The following NELL1 variants were observed in gnomAD, a reference collection of about 807,000 sequenced individuals.
NELL1 encodes the protein neural EGFL like 1.
In NELL1, 76 loss-of-function variants were observed where a neutral mutation model predicts 107.4. The observed-to-expected ratio is 0.71, with a 90% CI of 0.59 to 0.86. NELL1 has a LOEUF of 0.86. NELL1 is among the 40% of genes least tolerant of loss of function. The pLI is 0.00. For missense variants in NELL1, 1,024 were observed against 1,005.5 expected (o/e 1.02, Z -0.25); for synonymous variants, 353 against 341.2 (o/e 1.03, Z -0.38).
chr11:21,398,301 T>G (rs914751048), intron 15 of NELL1, among the ~76,000 whole-genome samples: 4 of 151,622 alleles, frequency 2.6e-5, no homozygotes, highest in African/African-American at 9.7e-5. Flanking sequence ...CCCCTGAGGC[T>G]CTCTGTATCT....
intron 3 of NELL1, among the ~76,000 whole-genome samples, chr11:20,805,220 G>T (rs1434590813): frequency 6.6e-6 from 1 of 151,918 alleles, no homozygotes; most frequent in African/African-American, 2.4e-5. Context: ...GTTTTTGTTT[G>T]CTTCTGTTTT....
intron 3 of NELL1, among the ~76,000 whole-genome samples, chr11:20,790,633 C>A (rs1460560073): frequency 2.0e-5 from 3 of 152,130 alleles, no homozygotes; most frequent in Non-Finnish European, 4.4e-5. Context: ...TGCAGCTGAG[C>A]CCAGCGAGGT....
intron 3 of NELL1, among the ~76,000 whole-genome samples, chr11:20,793,737 G>A (rs903569376): frequency 2.0e-5 from 3 of 152,036 alleles, no homozygotes; most frequent in Non-Finnish European, 4.4e-5. Flanking sequence ...CCTGGTTAAA[G>A]CAGTGTTTAA....
Position 21,549,001 on chromosome 11 carries a change from T to C in NELL1, c.1787-11188T>C, listed in dbSNP as rs187912571. 7.2e-4 allele frequency among the ~76,000 whole-genome samples: 109 copies of C among 151,656 alleles called. 1 individual carries two copies. The highest frequency in any genetic ancestry group is 2.5e-3 in the African/African-American group (104 of 41,390). ...TGATTTCTATATAAACAATCCTGAC[T>C]ATATTATTAACTAGAAGACAAAAAT... On this transcript the variant is annotated intron_variant, in intron 16 of 19. Coordinates refer to ENST00000357134, the MANE Select transcript of NELL1 (RefSeq NM_006157.5).
intron 2 of NELL1, among the ~76,000 whole-genome samples, chr11:20,730,715 G>C (rs1855619425): frequency 6.6e-6 from 1 of 152,174 alleles, no homozygotes; most frequent in Non-Finnish European, 1.5e-5. Flanking sequence ...AAGCCAGCAA[G>C]GTTTGGGATC....
chr11:21,008,775 A>G (rs575055691), intron 12 of NELL1, among the ~76,000 whole-genome samples: 4 of 152,268 alleles, frequency 2.6e-5, no homozygotes, highest in African/African-American at 7.2e-5. Context: ...CTTTTGTATC[A>G]TAGTACCAGC....
At chr11:21,431,276 G>T (rs1852958858) in intron 15 of NELL1, among the ~76,000 whole-genome samples, 1 of 152,048 alleles carries the variant, frequency 6.6e-6, no homozygotes, top group Admixed American at 6.6e-5. Flanking sequence ...CCCACGATCT[G>T]CAAGACCTTT....
chr11:21,424,337 C>A (rs113666622), intron 15 of NELL1, among the ~76,000 whole-genome samples: 1 of 152,000 alleles, frequency 6.6e-6, no homozygotes, highest in Non-Finnish European at 1.5e-5. Context: ...TGTATGCCAG[C>A]GGGCCAGGCA....
intron 15 of NELL1, among the ~76,000 whole-genome samples, chr11:21,485,102 T>G (rs943865191): frequency 6.6e-6 from 1 of 152,108 alleles, no homozygotes; most frequent in African/African-American, 2.4e-5. Flanking sequence ...GAAAAGCTCC[T>G]CAAGCCTCAC....
intron 12 of NELL1, among the ~76,000 whole-genome samples, chr11:21,090,448 G>C (rs963643327): frequency 6.6e-6 from 1 of 152,098 alleles, no homozygotes; most frequent in Non-Finnish European, 1.5e-5. Context: ...ATTAAAAAAA[G>C]CATTTATGTT....
At chr11:20,679,969 A>G (rs1296818288) in intron 2 of NELL1, among the ~76,000 whole-genome samples, 5 of 152,108 alleles carry the variant, frequency 3.3e-5, no homozygotes, top group Non-Finnish European at 5.9e-5. Flanking sequence ...TAATCTGTGC[A>G]TTCTCTGTTT....
intron 13 of NELL1, among the ~76,000 whole-genome samples, chr11:21,139,465 T>C (rs1045918708): frequency 2.0e-5 from 3 of 152,194 alleles, no homozygotes; most frequent in African/African-American, 7.2e-5. Context: ...TGTCACTTGC[T>C]TTCTCCTCTC....
chr11:21,084,201 T>C (rs1475893163), intron 12 of NELL1, among the ~76,000 whole-genome samples: 1 of 152,194 alleles, frequency 6.6e-6, no homozygotes, highest in Non-Finnish European at 1.5e-5. Context: ...TGCTATGTCC[T>C]GAGCTTCTCC....
chr11:21,067,363 T>G (rs966835678), intron 12 of NELL1, among the ~76,000 whole-genome samples: 14 of 152,130 alleles, frequency 9.2e-5, no homozygotes, highest in Non-Finnish European at 1.6e-4. Context: ...AAACATGATT[T>G]TTTTTTAAAG....
At chr11:21,528,933 T>G (rs577598444) in intron 15 of NELL1, among the ~76,000 whole-genome samples, 1 of 151,962 alleles carries the variant, frequency 6.6e-6, no homozygotes, top group African/African-American at 2.4e-5. Context: ...TTGTTTCTGT[T>G]TTTATTTTTA....
intron 16 of NELL1, among the ~76,000 whole-genome samples, chr11:21,558,579 G>A (rs1856775898): frequency 6.6e-6 from 1 of 151,872 alleles, no homozygotes; most frequent in Non-Finnish European, 1.5e-5. Flanking sequence ...GAAAAGGGAG[G>A]GGACAAGAGA....
intron 12 of NELL1, among the ~76,000 whole-genome samples, chr11:21,009,643 G>A (rs1346360247): frequency 1.3e-5 from 2 of 152,012 alleles, no homozygotes; most frequent in Admixed American, 6.6e-5. Flanking sequence ...GAAGAGTTCC[G>A]TCTCTTAGGG....
At chr11:21,449,165 A>G (rs987035502) in intron 15 of NELL1, among the ~76,000 whole-genome samples, 2 of 152,184 alleles carry the variant, frequency 1.3e-5, no homozygotes, top group African/African-American at 4.8e-5. Context: ...ACTATTTTGC[A>G]TTCCCACCAG....
At chr11:21,088,768 G>A (rs1001719626) in intron 12 of NELL1, among the ~76,000 whole-genome samples, 1 of 152,012 alleles carries the variant, frequency 6.6e-6, no homozygotes, top group African/African-American at 2.4e-5. Flanking sequence ...ATACTCTTTG[G>A]GAGATTTGAA....
Sources: allele counts gnomAD v4.1 joint callset (sites outside exome capture counted in the v4.1 genomes callset), GRCh38; gene constraint gnomAD v4.1.1; transcripts MANE v1.5; gene names NCBI Gene and HGNC (gene_info 2026-07-23, HGNC 2026-07-21).